Variants in MYO16 observed in about 807,000 individuals in gnomAD.
MYO16 encodes the protein myosin XVI.
MYO16 carries 94 observed loss-of-function variants against 205.3 expected under a neutral mutation model. The ratio of observed to expected loss-of-function variants is 0.46; its 90% confidence interval spans 0.39 to 0.54. The LOEUF (loss-of-function observed/expected upper bound fraction) is 0.54. MYO16 is among the 20% of genes least tolerant of loss of function. The pLI is 0.00. For missense variants in MYO16, 2,315 were observed against 2,387.5 expected, an observed-to-expected ratio of 0.97 and a Z score of 0.63; for synonymous variants, 988 against 954.0, an observed-to-expected ratio of 1.04 and a Z score of -0.66.
At chr13:109,135,904 T>C (rs1876753101) in intron 31 of MYO16, among the ~76,000 whole-genome samples, 1 of 152,180 alleles carries the variant, frequency 6.6e-6, no homozygotes, top group Admixed American at 6.5e-5. Flanking sequence ...TTTTGCTTCC[T>C]TGAAAAGACC....
intron 4 of MYO16, chr13:108,779,934 CA>C (rs752794382): frequency 2.6e-5 from 4 of 152,112 alleles, no homozygotes; most frequent in Non-Finnish European, 4.4e-5. Context: ...TGATGATGGG[CA>C]CAACATGGAG....
chr13:108,817,321 G>T (rs9583296), intron 7 of MYO16, among the ~76,000 whole-genome samples: 2 of 152,206 alleles, frequency 1.3e-5, no homozygotes, highest in Admixed American at 6.5e-5. Context: ...TAATGTAGTT[G>T]TACAGTGGAC....
intron 16 of MYO16, among the ~76,000 whole-genome samples, chr13:108,943,086 A>G (rs1882794371): frequency 1.3e-5 from 2 of 152,244 alleles, no homozygotes; most frequent in African/African-American, 4.8e-5. Flanking sequence ...TGCCGTGATG[A>G]TAAGAATGTC....
At chr13:108,994,441 CATCTT>C (rs1426309465) in intron 21 of MYO16, among the ~76,000 whole-genome samples, 2 of 152,112 alleles carry the variant, frequency 1.3e-5, no homozygotes, top group Non-Finnish European at 2.9e-5. Flanking sequence ...GTGCAAATCT[CATCTT>C]ATGATAAGTA....
At chr13:108,623,102 C>T (rs932187896) in intron 1 of MYO16, among the ~76,000 whole-genome samples, 3 of 152,124 alleles carry the variant, frequency 2.0e-5, no homozygotes, top group East Asian at 1.9e-4. Flanking sequence ...TTCAGAGCTA[C>T]ACACACGACG....
intron 1 of MYO16, among the ~76,000 whole-genome samples, chr13:108,598,214 T>A (rs1023983141): frequency 3.3e-5 from 5 of 152,166 alleles, no homozygotes; most frequent in African/African-American, 1.2e-4. Context: ...ACAGAATGAA[T>A]CACACAGTGA....
At chr13:108,588,245 G>C in the MYO16 span, among the ~76,000 whole-genome samples, 4,063 of 152,166 alleles carry the variant, frequency 0.027, 174 homozygotes, top group African/African-American at 0.091. Context: ...AACTATATCT[G>C]TATGTCACAA....
At chr13:108,869,376 A>T (rs574382268) in intron 12 of MYO16, among the ~76,000 whole-genome samples, 4 of 152,206 alleles carry the variant, frequency 2.6e-5, no homozygotes, top group East Asian at 3.9e-4. Flanking sequence ...ATAATCATTT[A>T]AAAATGTTAT....
chr13:108,783,696 G>A (rs1230543669), intron 4 of MYO16, among the ~76,000 whole-genome samples: 1 of 152,142 alleles, frequency 6.6e-6, no homozygotes, highest in Non-Finnish European at 1.5e-5. Context: ...GAATCATGGG[G>A]GTCGGTCTTT....
chr13:108,568,395 A>G, the MYO16 span, among the ~76,000 whole-genome samples: 1 of 152,112 alleles, frequency 6.6e-6, no homozygotes, highest in African/African-American at 2.4e-5. Flanking sequence ...CCTCCTAGTG[A>G]GTGTAAAGTA....
At chr13:109,064,044 A>G (rs1887667945) in intron 27 of MYO16, among the ~76,000 whole-genome samples, 2 of 152,226 alleles carry the variant, frequency 1.3e-5, no homozygotes, top group Non-Finnish European at 2.9e-5. Flanking sequence ...GTATGTATTC[A>G]TTTCAACCAC....
intron 6 of MYO16, among the ~76,000 whole-genome samples, chr13:108,801,255 A>T (rs1403287162): frequency 6.6e-6 from 1 of 152,248 alleles, no homozygotes; most frequent in Admixed American, 6.5e-5. Context: ...GTTGGGAATT[A>T]AGTAAATGCA....
At chr13:108,909,962 A>G in intron 15 of MYO16, 41 bp from the exon 16 acceptor site, 2 of 1,582,466 alleles carry the variant, frequency 1.3e-6, no homozygotes, top group Non-Finnish European at 1.7e-6. Context: ...AATGAAATGA[A>G]TACTGCCATT....
chr13:108,563,169 A>T, the MYO16 span, among the ~76,000 whole-genome samples: 6 of 152,180 alleles, frequency 3.9e-5, no homozygotes, highest in Non-Finnish European at 5.9e-5. Context: ...GAAATATTTT[A>T]TAACAATATA....
chr13:108,960,736 T>A (rs1328857707), intron 17 of MYO16, among the ~76,000 whole-genome samples: 1 of 152,228 alleles, frequency 6.6e-6, no homozygotes, highest in Non-Finnish European at 1.5e-5. Flanking sequence ...GATATCATCA[T>A]GCTAAATATT....
chr13:109,109,851 A>C (rs1024667365), intron 28 of MYO16, among the ~76,000 whole-genome samples: 5 of 152,248 alleles, frequency 3.3e-5, no homozygotes, highest in Admixed American at 1.3e-4. Context: ...CAGGACAGAC[A>C]TATGCAGAAT....
At chr13:108,751,793 A>G (rs1885247249) in intron 4 of MYO16, among the ~76,000 whole-genome samples, 1 of 152,118 alleles carries the variant, frequency 6.6e-6, no homozygotes, top group African/African-American at 2.4e-5. Flanking sequence ...TGTCATGAAT[A>G]CCCCAACTGA....
chr13:109,123,751 A>G (rs921287175), intron 29 of MYO16, among the ~76,000 whole-genome samples: 1 of 152,242 alleles, frequency 6.6e-6, no homozygotes, highest in Non-Finnish European at 1.5e-5. Context: ...TTCAGCCATC[A>G]TAGTAGAACG....
Position 109,097,190 on chromosome 13 carries a change from G to T in MYO16, c.3336-3595G>T, listed in dbSNP as rs193240477. Among the ~76,000 whole-genome samples, 7 of 152,274 alleles carry T rather than the reference G, an allele frequency of 4.6e-5. No individual in the cohort carries two copies. The East Asian group carries it at 1.4e-3, about 29-fold the overall frequency. On this transcript the variant is annotated intron_variant, in intron 27 of 34. Transcript: ENST00000457511. ...CTAAAAATACAGAAATTAGTTGGGC[G>T]TGGTGGCGGGCACCATTAATCCCAT...
Sources: allele counts gnomAD v4.1 joint callset (sites outside exome capture counted in the v4.1 genomes callset), GRCh38; gene constraint gnomAD v4.1.1; transcripts MANE v1.5; gene names NCBI Gene and HGNC (gene_info 2026-07-23, HGNC 2026-07-21).